The following ANKRD30A variants were observed in gnomAD, a reference collection of about 807,000 sequenced individuals.
The protein encoded by ANKRD30A is ankyrin repeat domain 30A.
In ANKRD30A, 170 loss-of-function variants were observed where a neutral mutation model predicts 166.3. The observed-to-expected ratio is 1.02, with a 90% CI of 0.90 to 1.16. The LOEUF (loss-of-function observed/expected upper bound fraction) is 1.16. Ranked by LOEUF, ANKRD30A falls within the 50% of genes most tolerant of loss-of-function variation. The pLI, the probability that ANKRD30A is intolerant of heterozygous loss-of-function variation, is 0.00. For missense variants in ANKRD30A, 1,630 were observed against 1,518.0 expected (o/e 1.07, Z -1.23); for synonymous variants, 564 against 508.9 (o/e 1.11, Z -1.46).
chr10:37,143,281 A>G (rs1370561602), intron 7 of ANKRD30A, among the ~76,000 whole-genome samples: 3 of 152,204 alleles, frequency 2.0e-5, no homozygotes, highest in Non-Finnish European at 4.4e-5. Flanking sequence ...GAGTCACAAG[A>G]TTAGATTTGA....
chr10:37,155,140 A>G (rs17606335), intron 13 of ANKRD30A, among the ~76,000 whole-genome samples: 1 of 152,186 alleles, frequency 6.6e-6, no homozygotes. Context: ...GTTGTTATTC[A>G]TAGGTATTTT....
At position 37,219,316 on chromosome 10, in the gene ANKRD30A, C is replaced by A. The variant is rs561896727; in HGVS notation, c.3604C>A (p.Leu1202Met). 3.1e-6 allele frequency: 5 copies of A among 1,610,410 alleles called. No homozygotes were observed. The highest frequency in any genetic ancestry group is 2.2e-5 in the East Asian group (1 of 44,738). The part of the protein sequence containing the change: ...EAEIESHHPR[L>M]ASAVQDHDQI... ...AGAAATTGAATCACACCATCCTAGA[C>A]TGGCTTCTGCTGTACAAGACCATGA... Residue 1202 changes from leucine to methionine, a missense_variant, in exon 34 of 36, where the codon CTG becomes ATG. Leu to Met is a conservative substitution (Grantham distance 15). This residue lies in a region of ANKRD30A where 712 missense variants were observed against 629.3 expected (regional missense o/e 1.13). Coordinates refer to ENST00000361713, the MANE Select transcript of ANKRD30A (RefSeq NM_052997.3).
chr10:37,149,704 T>G (rs756388371), intron 10 of ANKRD30A, 25 bp downstream of exon 10: 2 of 1,612,398 alleles, frequency 1.2e-6, no homozygotes, highest in East Asian at 4.5e-5. Context: ...TATTTCATTT[T>G]GAATGACTTA....
Position 37,231,510 on chromosome 10 carries a change from CCAG to C in ANKRD30A, c.*42_*44del, listed in dbSNP as rs746927600. 3.9e-6 allele frequency: 6 copies of C among 1,556,104 alleles called. No individual in the cohort carries two copies. In the African/African-American group the frequency reaches 8.2e-5, roughly 21 times the overall value. Reference sequence around the variant, plus strand: ...AAACTTCTTTTGGAGAAACAACAGACCAGATCTTTACTCACAACTCATGCTAGG... The same window carrying C: ...AAACTTCTTTTGGAGAAACAACAGACATCTTTACTCACAACTCATGCTAGG... On this transcript the variant is annotated 3_prime_UTR_variant, in exon 35 of 36. Coordinates refer to ENST00000361713, the MANE Select transcript of ANKRD30A (RefSeq NM_052997.3).
At chr10:37,191,128 A>T (rs1264108336) in intron 25 of ANKRD30A, among the ~76,000 whole-genome samples, 1 of 151,836 alleles carries the variant, frequency 6.6e-6, no homozygotes, top group Non-Finnish European at 1.5e-5. Context: ...TTTAAATGAA[A>T]TACATCAATA....
intron 17 of ANKRD30A, 72 bp from the exon 18 acceptor site, chr10:37,165,022 A>G: frequency 6.9e-7 from 1 of 1,452,008 alleles, no homozygotes; most frequent in Non-Finnish European, 9.6e-7. Flanking sequence ...ATGAAAGTAG[A>G]TTTGTATATG....
rs41276126 is a variant in ANKRD30A at position 37,162,802 on chromosome 10, C to G, written c.1956C>G (p.Val652=). The part of the protein sequence containing the change: ...FEPATEMQKS[V]PNKALELKNE... ...CTGCCACTGAAATGCAAAAGTCTGT[C>G]CCAAATAAAGCCTTGGAATTGAAAA... Residue 652 remains valine (V), a synonymous_variant, in exon 17 of 36, where the codon GTC becomes GTG. Coordinates refer to ENST00000361713, the MANE Select transcript of ANKRD30A (RefSeq NM_052997.3). 6.2e-7 allele frequency: 1 copy of G among 1,613,566 alleles called. No individual in the cohort carries two copies. Among genetic ancestry groups the G allele is most frequent in the Non-Finnish European group, 8.5e-7 (1 of 1,179,716 alleles).
intron 34 of ANKRD30A, 132 bp downstream of exon 34, chr10:37,220,029 A>ATATATATATATT (rs1366777838): frequency 6.7e-6 from 1 of 148,442 alleles, no homozygotes; most frequent in Non-Finnish European, 1.2e-5. Context: ...ATATATATAT[A>ATATATATATATT]ATATATGTAT....
At chr10:37,247,514 T>C in the ANKRD30A span, among the ~76,000 whole-genome samples, 10 of 151,826 alleles carry the variant, frequency 6.6e-5, no homozygotes, top group African/African-American at 2.4e-4. Context: ...AATGGACACA[T>C]AGAGAGGAAC....
At position 37,134,055 on chromosome 10, in the gene ANKRD30A, T is replaced by C; in HGVS notation, c.755+2T>C. ...TGCTGTTACTTGTGGATTTCATCAG[T>C]AAGTGTTTACGTTTAGAGGCTAGGT... On this transcript the variant is annotated splice_donor_variant, in intron 5 of 35. Transcript: ENST00000361713. LOFTEE classifies it high-confidence loss of function. 1 of 1,613,810 alleles carries C rather than the reference T, an allele frequency of 6.2e-7. No individual in the cohort carries two copies. Among genetic ancestry groups the C allele is most frequent in the Non-Finnish European group, 8.5e-7 (1 of 1,179,818 alleles).
chr10:37,236,106 G>A (rs1328256530), downstream of ANKRD30A, among the ~76,000 whole-genome samples: 4 of 152,086 alleles, frequency 2.6e-5, no homozygotes, highest in African/African-American at 9.7e-5. Context: ...TTGTTAACAT[G>A]GGGGTTGTGT....
intron 34 of ANKRD30A, among the ~76,000 whole-genome samples, chr10:37,221,093 A>G (rs1324587819): frequency 2.7e-5 from 4 of 147,038 alleles, no homozygotes; most frequent in East Asian, 4.0e-4. Context: ...AGCATTACAG[A>G]TTCATTAGCG....
In ANKRD30A at chr10:37,216,389, T is replaced by C. The variant is rs1327366996; in HGVS notation, c.3078T>C (p.Ser1026=). 4 of 1,587,840 alleles carry C rather than the reference T, an allele frequency of 2.5e-6. No homozygotes were observed. Among genetic ancestry groups the C allele is most frequent in the Middle Eastern group, 1.7e-4 (1 of 5,846 alleles). Residue 1026 remains serine, a synonymous_variant, in exon 32 of 36, where the codon AGT becomes AGC. Transcript: ENST00000361713. ...QKVKWEQELC[S]VRLTLNQEEE... ...TTAAATGGGAACAAGAGCTCTGCAG[T>C]GTGAGGTGTGATTTCCTAGTTTTAA... is the stretch of plus-strand genomic sequence containing the variant.
Position 37,201,307 on chromosome 10 carries a change from A to G in ANKRD30A, c.2851A>G (p.Ile951Val), listed in dbSNP as rs762225578. The change falls in exon 31 of 36, where the codon ATA becomes GTA. Residue 951 changes from isoleucine to valine, a missense_variant. Ile to Val is a conservative substitution (Grantham distance 29). This residue lies in a region of ANKRD30A where 712 missense variants were observed against 629.3 expected (regional missense o/e 1.13). Transcript: ENST00000361713. ...TACACATCAAAAAGAAATGGATAAAATAAGTGGAAAATTAGAAGGTAAGAA... is the reference window on the plus strand; with the variant it reads ...TACACATCAAAAAGAAATGGATAAAGTAAGTGGAAAATTAGAAGGTAAGAA... ...KATHQKEMDKISGKLEDSTSL... is the reference protein window; with the variant it reads ...KATHQKEMDKVSGKLEDSTSL... 43 of 1,586,686 alleles carry G rather than the reference A, an allele frequency of 2.7e-5. No individual in the cohort carries two copies. The highest frequency in any genetic ancestry group is 8.1e-5 in the South Asian group (7 of 86,582).
intron 1 of ANKRD30A, among the ~76,000 whole-genome samples, chr10:37,128,420 T>C (rs1836177607): frequency 6.6e-6 from 1 of 151,974 alleles, no homozygotes; most frequent in Non-Finnish European, 1.5e-5. Context: ...TTTAGCATCT[T>C]CAGAAGAGAA....
At chr10:37,128,093 T>C (rs1329617746) in intron 1 of ANKRD30A, among the ~76,000 whole-genome samples, 1 of 152,060 alleles carries the variant, frequency 6.6e-6, no homozygotes, top group Non-Finnish European at 1.5e-5. Context: ...CATTTGAAAA[T>C]GTATTTTGGT....
At chr10:37,252,856 T>C in the ANKRD30A span, among the ~76,000 whole-genome samples, 1 of 152,204 alleles carries the variant, frequency 6.6e-6, no homozygotes, top group Non-Finnish European at 1.5e-5. Context: ...TTATATAAGA[T>C]GTTTTTTCAA....
the ANKRD30A span, among the ~76,000 whole-genome samples, chr10:37,263,959 G>A: frequency 6.6e-6 from 1 of 152,172 alleles, no homozygotes. Flanking sequence ...ATTAGATTGT[G>A]AGTTGTGGAA....
chr10:37,244,759 G>A, the ANKRD30A span, among the ~76,000 whole-genome samples: 1 of 152,200 alleles, frequency 6.6e-6, no homozygotes, highest in Admixed American at 6.5e-5. Flanking sequence ...TCTCTGCATG[G>A]ATGCCTCCTG....
Sources: allele counts gnomAD v4.1 joint callset (sites outside exome capture counted in the v4.1 genomes callset), GRCh38; gene constraint gnomAD v4.1.1; regional missense constraint gnomAD v4.1.1; transcripts MANE v1.5; gene names NCBI Gene and HGNC (gene_info 2026-07-23, HGNC 2026-07-21).